The following PCNX4 variants were observed in gnomAD, a reference collection of about 807,000 sequenced individuals.
The protein encoded by PCNX4 is pecanex-like protein 4.
Under a neutral mutation model 107.2 loss-of-function variants are expected in PCNX4, and 103 were observed. That is an observed-to-expected ratio of 0.96 (90% CI 0.82 to 1.13). The LOEUF (loss-of-function observed/expected upper bound fraction) is 1.13. PCNX4 is among the 50% of genes most tolerant of loss of function. PCNX4 has a pLI of 0.00. For synonymous variants in PCNX4, 541 were observed against 481.7 expected (o/e 1.12, Z -1.61); for missense variants, 1,528 against 1,379.4 (o/e 1.11, Z -1.71).
At chr14:60,096,858 CAAA>C (rs1304537133) in intron 1 of PCNX4, among the ~76,000 whole-genome samples, 4 of 152,156 alleles carry the variant, frequency 2.6e-5, no homozygotes, top group Non-Finnish European at 5.9e-5. Flanking sequence ...GCCTGTGTAA[CAAA>C]TAATTATTCT....
intron 7 of PCNX4, among the ~76,000 whole-genome samples, chr14:60,120,340 C>T (rs1488559884): frequency 6.6e-6 from 1 of 152,158 alleles, no homozygotes; most frequent in African/African-American, 2.4e-5. Context: ...CTGCCTAGGA[C>T]ATACCAATAC....
rs750552940 is a variant in PCNX4 at position 60,134,087 on chromosome 14, A to G, written c.3385A>G (p.Thr1129Ala). ...ANLSWELLYATNDDEERYSIQ... is the reference protein window; with the variant it reads ...ANLSWELLYAANDDEERYSIQ... Reference sequence around the variant, plus strand: ...TCTTTCATGGGAATTACTTTATGCCACAAACGATGATGAAGAACGTTATAG... The same window carrying G: ...TCTTTCATGGGAATTACTTTATGCCGCAAACGATGATGAAGAACGTTATAG... The change falls in exon 11 of 11, where the codon ACA becomes GCA. Residue 1129 changes from threonine to alanine, a missense_variant. Transcript: ENST00000406854. 8 of 1,613,888 alleles carry G rather than the reference A, an allele frequency of 5.0e-6. No individual in the cohort carries two copies. The highest frequency in any genetic ancestry group is 5.1e-6 in the Non-Finnish European group (6 of 1,179,798).
chr14:60,125,532 A>G, intron 9 of PCNX4, 105 bp from the exon 10 acceptor site: 1 of 856,614 alleles, frequency 1.2e-6, no homozygotes. Flanking sequence ...TGAAATAGAT[A>G]TGATTTCAGT....
In PCNX4 at chr14:60,134,281, G is replaced by A. The variant is rs1240862155; in HGVS notation, c.*60G>A. The A allele has an allele frequency of 6.4e-7, 1 of 1,568,494 alleles. No homozygotes were observed. Among genetic ancestry groups the A allele is most frequent in the East Asian group, 2.2e-5 (1 of 44,616 alleles). On this transcript the variant is annotated 3_prime_UTR_variant, in exon 11 of 11. Coordinates refer to ENST00000406854, the MANE Select transcript of PCNX4 (RefSeq NM_001330177.2). ...GTTTTTATTTTTTCATCCTAAAAAA[G>A]TAACTGTGATTCTTGTAACTTGAGG... is the stretch of plus-strand genomic sequence containing the variant.
Position 60,124,306 on chromosome 14 carries a change from CAA to C in PCNX4, c.2136_2137del (p.Arg713SerfsTer5). The C allele has an allele frequency of 6.2e-7, 1 of 1,610,276 alleles. No individual in the cohort carries two copies. The highest frequency in any genetic ancestry group is 8.5e-7 in the Non-Finnish European group (1 of 1,177,892). On this transcript the variant is annotated frameshift_variant, in exon 9 of 11. Transcript: ENST00000406854. LOFTEE classifies it high-confidence loss of function. ...GAAGATGCTTTTGAGCAAGAATACACAAGAGTATGTTCCCTTAATGAACACTT... is the reference window on the plus strand; with the variant it reads ...GAAGATGCTTTTGAGCAAGAATACACGAGTATGTTCCCTTAATGAACACTT...
intron 1 of PCNX4, among the ~76,000 whole-genome samples, chr14:60,098,728 C>G (rs1366796675): frequency 6.6e-6 from 1 of 152,082 alleles, no homozygotes; most frequent in Non-Finnish European, 1.5e-5. Flanking sequence ...CACCTGAGTT[C>G]AGGAGTTCAA....
intron 7 of PCNX4, among the ~76,000 whole-genome samples, chr14:60,119,618 A>C (rs959464621): frequency 2.0e-5 from 3 of 151,520 alleles, no homozygotes; most frequent in South Asian, 4.2e-4. Context: ...CTATACTTAC[A>C]ATACTTTTAT....
At chr14:60,111,887 A>G (rs1895747228) in intron 2 of PCNX4, among the ~76,000 whole-genome samples, 1 of 152,162 alleles carries the variant, frequency 6.6e-6, no homozygotes, top group Non-Finnish European at 1.5e-5. Context: ...CAGAAAAATC[A>G]CCTCCAGTTT....
chr14:60,123,429 C>A (rs1895990832), intron 8 of PCNX4, among the ~76,000 whole-genome samples: 1 of 152,052 alleles, frequency 6.6e-6, no homozygotes, highest in Non-Finnish European at 1.5e-5. Flanking sequence ...CAAGTTCTTG[C>A]CAGCACCTGG....
intron 9 of PCNX4, 121 bp downstream of exon 9, chr14:60,125,372 GAAA>G (rs1160967044): frequency 9.1e-7 from 1 of 1,098,358 alleles, no homozygotes; most frequent in Non-Finnish European, 1.2e-6. Flanking sequence ...TCTTCAAAAT[GAAA>G]AAAATGTTTC....
At chr14:60,108,403 T>A in intron 2 of PCNX4, 76 bp downstream of exon 2, 1 of 1,106,894 alleles carries the variant, frequency 9.0e-7, no homozygotes, top group Non-Finnish European at 1.3e-6. Context: ...CTTTTAGTGT[T>A]ACAAAAAAAT....
At position 60,115,195 on chromosome 14, in the gene PCNX4, T is replaced by A. The variant is rs1447040785; in HGVS notation, c.1091T>A (p.Val364Asp). The change falls in exon 4 of 11, where the codon GTC becomes GAC. Residue 364 changes from valine (V) to aspartate (D), a missense_variant. Val to Asp is a radical substitution (Grantham distance 152, BLOSUM62 -3). Coordinates refer to ENST00000406854, the MANE Select transcript of PCNX4 (RefSeq NM_001330177.2). ...KECLFYIIILVLALLETSLLH... is the reference protein window; with the variant it reads ...KECLFYIIILDLALLETSLLH... ...TGCCTTTTCTACATCATTATATTAG[T>A]CTTGGCTCTTTTAGAAACTAGCTTG... is the stretch of plus-strand genomic sequence containing the variant. 1 of 1,613,684 alleles carries A rather than the reference T, an allele frequency of 6.2e-7. No individual in the cohort carries two copies. The highest frequency in any genetic ancestry group is 2.2e-5 in the East Asian group (1 of 44,856).
chr14:60,131,825 G>A (rs1316983846), intron 10 of PCNX4, among the ~76,000 whole-genome samples: 1 of 152,170 alleles, frequency 6.6e-6, no homozygotes, highest in Non-Finnish European at 1.5e-5. Context: ...AAACAGTATG[G>A]TACTGGCATA....
At chr14:60,129,374 C>T (rs1427134386) in intron 10 of PCNX4, among the ~76,000 whole-genome samples, 1 of 151,970 alleles carries the variant, frequency 6.6e-6, no homozygotes, top group Non-Finnish European at 1.5e-5. Flanking sequence ...GGCAACATAG[C>T]AAGAGCCCAT....
intron 2 of PCNX4, among the ~76,000 whole-genome samples, chr14:60,113,284 T>A (rs1021315906): frequency 6.6e-6 from 1 of 152,376 alleles, no homozygotes; most frequent in East Asian, 1.9e-4. Flanking sequence ...TACTATATTA[T>A]ATCCATAATT....
chr14:60,129,442 C>T (rs1896115464), intron 10 of PCNX4, among the ~76,000 whole-genome samples: 1 of 151,652 alleles, frequency 6.6e-6, no homozygotes, highest in African/African-American at 2.4e-5. Flanking sequence ...GTCCTAGCTA[C>T]CACTTTAGAG....
At chr14:60,100,241 A>G (rs975220843) in intron 1 of PCNX4, among the ~76,000 whole-genome samples, 9 of 152,292 alleles carry the variant, frequency 5.9e-5, no homozygotes, top group African/African-American at 2.2e-4. Context: ...CAAAAAAAAA[A>G]TACCATTTTT....
intron 1 of PCNX4, among the ~76,000 whole-genome samples, chr14:60,101,234 C>A (rs1895526056): frequency 6.6e-6 from 1 of 152,154 alleles, no homozygotes; most frequent in Non-Finnish European, 1.5e-5. Flanking sequence ...ATGTCTTATG[C>A]CTCCCTAAAA....
At position 60,115,194 on chromosome 14, in the gene PCNX4, G is replaced by T; in HGVS notation, c.1090G>T (p.Val364Phe). The T allele has an allele frequency of 1.2e-6, 2 of 1,613,590 alleles. No homozygotes were observed. The highest frequency in any genetic ancestry group is 1.7e-6 in the Non-Finnish European group (2 of 1,179,594). ...ATGCCTTTTCTACATCATTATATTAGTCTTGGCTCTTTTAGAAACTAGCTT... is the reference window on the plus strand; with the variant it reads ...ATGCCTTTTCTACATCATTATATTATTCTTGGCTCTTTTAGAAACTAGCTT... ...KECLFYIIIL[V>F]LALLETSLLH... is the part of the protein sequence containing the mutation. The change falls in exon 4 of 11, where the codon GTC becomes TTC. Residue 364 changes from valine to phenylalanine, a missense_variant. By Grantham distance (50) the Val-to-Phe change is conservative. Coordinates refer to ENST00000406854, the MANE Select transcript of PCNX4 (RefSeq NM_001330177.2).
Sources: gnomAD v4.1 joint callset for allele counts (sites outside exome capture counted in the v4.1 genomes callset) on GRCh38, gnomAD v4.1.1 for gene constraint, MANE v1.5 for transcripts, NCBI Gene and HGNC (gene_info 2026-07-23, HGNC 2026-07-21) for gene names.